Variants in SPHKAP observed in about 807,000 individuals in gnomAD.
SPHKAP encodes the protein A-kinase anchor protein SPHKAP.
SPHKAP carries 67 observed loss-of-function variants against 137.5 expected under a neutral mutation model. The observed-to-expected ratio is 0.49, with a 90% CI of 0.40 to 0.60. The LOEUF is 0.60. SPHKAP is among the 20% of genes least tolerant of loss of function. SPHKAP has a pLI of 0.00. For missense variants in SPHKAP, 2,097 were observed against 2,069.3 expected (o/e 1.01, Z -0.26); for synonymous variants, 813 against 785.3 (o/e 1.04, Z -0.59).
At chr2:228,035,929 C>T (rs1695571544) in intron 3 of SPHKAP, among the ~76,000 whole-genome samples, 1 of 151,320 alleles carries the variant, frequency 6.6e-6, no homozygotes, top group Admixed American at 6.6e-5. Context: ...CATAAAAACC[C>T]TAGAAGAAAA....
At position 228,018,356 on chromosome 2, in the gene SPHKAP, A is replaced by G. The variant is rs1383087866; in HGVS notation, c.2498T>C (p.Ile833Thr). 1.2e-6 allele frequency: 2 copies of G among 1,613,982 alleles called. No homozygotes were observed. Among genetic ancestry groups the G allele is most frequent in the Admixed American group, 1.7e-5 (1 of 59,994 alleles). Residue 833 changes from isoleucine to threonine, a missense_variant, in exon 7 of 12, where the codon ATA (isoleucine) becomes ACA (threonine). Transcript: ENST00000392056. ...CTCTCCTGCTATTCCTTTCAGATAT[A>G]TTTCCTTGGAGGATGTTGTAGCAGT... Reference protein sequence around the residue: ...SSTATTSSKEIYLKGIAGEDT... With the variant: ...SSTATTSSKETYLKGIAGEDT...
intron 3 of SPHKAP, among the ~76,000 whole-genome samples, chr2:228,047,153 C>G (rs1365159371): frequency 6.6e-6 from 1 of 152,070 alleles, no homozygotes; most frequent in Non-Finnish European, 1.5e-5. Context: ...AATTTGACAA[C>G]AAGAAGTTAC....
At chr2:228,105,090 T>G (rs910904780) in intron 3 of SPHKAP, among the ~76,000 whole-genome samples, 1 of 152,156 alleles carries the variant, frequency 6.6e-6, no homozygotes, top group African/African-American at 2.4e-5. Context: ...TGCCTCAGCC[T>G]CCTGAGTAGC....
chr2:228,087,334 TTAGA>T (rs1260716497), intron 3 of SPHKAP, among the ~76,000 whole-genome samples: 1 of 152,138 alleles, frequency 6.6e-6, no homozygotes, highest in Admixed American at 6.6e-5. Context: ...CCCAGAGTTG[TTAGA>T]TAAAGACAAT....
intron 2 of SPHKAP, chr2:228,109,528 A>G (rs1698450703): frequency 4.8e-6 from 1 of 209,374 alleles, no homozygotes; most frequent in Non-Finnish European, 8.3e-6. Flanking sequence ...AATAATTGGA[A>G]TACATGAATT....
At chr2:228,035,511 C>T (rs528780533) in intron 3 of SPHKAP, among the ~76,000 whole-genome samples, 1 of 152,180 alleles carries the variant, frequency 6.6e-6, no homozygotes, top group African/African-American at 2.4e-5. Flanking sequence ...TGACTTTCTT[C>T]ACAGAATTGG....
chr2:228,007,745 GA>G (rs1443931787), intron 7 of SPHKAP, among the ~76,000 whole-genome samples: 1 of 152,122 alleles, frequency 6.6e-6, no homozygotes, highest in East Asian at 1.9e-4. Context: ...AGAGATTCCA[GA>G]AAGAAACCCA....
At chr2:228,134,052 G>C (rs1004537396) in intron 1 of SPHKAP, among the ~76,000 whole-genome samples, 6 of 150,162 alleles carry the variant, frequency 4.0e-5, no homozygotes, top group African/African-American at 1.5e-4. Context: ...AAGGAAGAGA[G>C]GAAGGAAGGA....
At chr2:228,067,482 A>G (rs1696864757) in intron 3 of SPHKAP, among the ~76,000 whole-genome samples, 1 of 152,334 alleles carries the variant, frequency 6.6e-6, no homozygotes, top group East Asian at 1.9e-4. Context: ...TTGTAAATTG[A>G]TAGGCTCTCC....
chr2:228,096,533 A>ATCCCAC (rs1697987467), intron 3 of SPHKAP, among the ~76,000 whole-genome samples: 1 of 152,034 alleles, frequency 6.6e-6, no homozygotes. Flanking sequence ...CGAAAACTGC[A>ATCCCAC]TCCCACGAGT....
intron 2 of SPHKAP, among the ~76,000 whole-genome samples, chr2:228,117,580 T>C (rs1039856457): frequency 6.6e-6 from 1 of 152,174 alleles, no homozygotes; most frequent in African/African-American, 2.4e-5. Flanking sequence ...TTGACCTATT[T>C]GCTTGGCAAG....
At chr2:228,132,616 A>G (rs749482146) in intron 1 of SPHKAP, 38 of 389,064 alleles carry the variant, frequency 9.8e-5, no homozygotes, top group Non-Finnish European at 1.3e-4. Context: ...TCTATCTCCA[A>G]AATTATAGAC....
At chr2:228,035,098 T>C (rs2106246832) in intron 3 of SPHKAP, among the ~76,000 whole-genome samples, 1 of 148,594 alleles carries the variant, frequency 6.7e-6, no homozygotes. Context: ...ATTGTCCCTG[T>C]TTGCAGATGA....
chr2:228,136,121 T>C (rs930865721), intron 1 of SPHKAP, among the ~76,000 whole-genome samples: 5 of 152,226 alleles, frequency 3.3e-5, no homozygotes, highest in South Asian at 2.1e-4. Flanking sequence ...AACTCATACA[T>C]TTATTAAAAT....
At position 227,980,915 on chromosome 2, in the gene SPHKAP, C is replaced by A. The variant is rs986387271; in HGVS notation, c.*802G>T. 9 of 152,154 alleles carry A rather than the reference C, an allele frequency of 5.9e-5. No homozygotes were observed. The highest frequency in any genetic ancestry group is 2.2e-4 in the African/African-American group (9 of 41,434). The allele number at this position is 152,154 out of a possible 1,614,324, so 9.4% of individuals were successfully genotyped here. A position where few individuals can be genotyped will look rare whatever the true frequency, so the allele number is the denominator to read the frequency against. On this transcript the variant is annotated 3_prime_UTR_variant, in exon 12 of 12. Transcript: ENST00000392056. ...AGTTTGTATTTCATATTATTCAAGA[C>A]ACAAGCAGATTTTATCTGAAAAGAC...
intron 1 of SPHKAP, among the ~76,000 whole-genome samples, chr2:228,169,004 AG>A (rs1372849284): frequency 1.3e-5 from 2 of 152,212 alleles, no homozygotes; most frequent in Non-Finnish European, 2.9e-5. Flanking sequence ...CTTAAGGCAA[AG>A]CCTAATCCAG....
Position 228,016,670 on chromosome 2 carries a change from T to C in SPHKAP, c.4184A>G (p.Asn1395Ser). Residue 1395 changes from asparagine to serine, a missense_variant, in exon 7 of 12, where the codon AAC becomes AGC. Physicochemically the swap from Asn to Ser is conservative, Grantham distance 46 (BLOSUM62 1). Coordinates refer to ENST00000392056, the MANE Select transcript of SPHKAP (RefSeq NM_001142644.2). ...SSLSKTASLTNHSPLDSKKET... is the reference protein window; with the variant it reads ...SSLSKTASLTSHSPLDSKKET... ...TTTTTTAGAATCTAAAGGGCTGTGG[T>C]TTGTAAGAGAAGCAGTTTTGCTCAA... is the stretch of plus-strand genomic sequence containing the variant. 4 of 1,614,076 alleles carry C rather than the reference T, an allele frequency of 2.5e-6. No individual in the cohort carries two copies. The highest frequency in any genetic ancestry group is 3.4e-6 in the Non-Finnish European group (4 of 1,180,014).
intron 3 of SPHKAP, among the ~76,000 whole-genome samples, chr2:228,069,718 C>T (rs1000853947): frequency 6.6e-6 from 1 of 151,880 alleles, no homozygotes; most frequent in Non-Finnish European, 1.5e-5. Flanking sequence ...GCACAGATAA[C>T]GGGTACACAG....
At chr2:228,040,924 G>A (rs140938325) in intron 3 of SPHKAP, among the ~76,000 whole-genome samples, 1 of 152,074 alleles carries the variant, frequency 6.6e-6, no homozygotes, top group Non-Finnish European at 1.5e-5. Context: ...ACTGCTAGTA[G>A]CAAGTGTTTC....
Sources: gnomAD v4.1 joint callset for allele counts (sites outside exome capture counted in the v4.1 genomes callset) on GRCh38, gnomAD v4.1.1 for gene constraint, MANE v1.5 for transcripts, NCBI Gene and HGNC (gene_info 2026-07-23, HGNC 2026-07-21) for gene names.